Variants in SYNE2 observed in about 807,000 individuals in gnomAD.
SYNE2 encodes spectrin repeat containing nuclear envelope protein 2, also known as nesprin-2.
In SYNE2, 431 loss-of-function variants were observed where a neutral mutation model predicts 856.3. The ratio of observed to expected loss-of-function variants is 0.50; its 90% CI spans 0.47 to 0.55. The LOEUF (loss-of-function observed/expected upper bound fraction) is 0.55. Ranked by LOEUF, SYNE2 falls within the 20% of genes least tolerant of loss-of-function variation. The pLI, the probability that SYNE2 is intolerant of heterozygous loss-of-function variation, is 0.00. For missense variants in SYNE2, 8,129 were observed against 8,023.2 expected (o/e 1.01, Z -0.50); for synonymous variants, 2,923 against 2,872.3 (o/e 1.02, Z -0.56).
chr14:63,937,817 G>T (rs1231562693), intron 2 of SYNE2, among the ~76,000 whole-genome samples: 1 of 152,180 alleles, frequency 6.6e-6, no homozygotes, highest in Non-Finnish European at 1.5e-5. Context: ...TAGGTGAAAT[G>T]CAAGGAGTGT....
rs1272574904 is a variant in SYNE2 at position 64,191,131 on chromosome 14, TTTATC to T, written c.18038+899_18038+903del. The T allele has an allele frequency of 7.2e-5, 33 of 458,654 alleles. No individual in the cohort carries two copies. In the East Asian group the frequency reaches 8.9e-4, roughly 12 times the overall value. The allele number at this position is 458,654 out of a possible 1,614,324, so 28.4% of individuals were successfully genotyped here. On this transcript the variant is annotated intron_variant, in intron 99 of 115. Coordinates refer to ENST00000555002, the MANE Select transcript of SYNE2 (RefSeq NM_182914.3). Reference sequence around the variant, plus strand: ...TGGGAGGTGATAAAAGTAAGATACTTTTATCTTATTATTTAAATTTATTATTTAAA... The same window carrying T: ...TGGGAGGTGATAAAAGTAAGATACTTTTATTATTTAAATTTATTATTTAAA...
At chr14:64,121,523 CCAAAAA>C (rs1397944095) in intron 68 of SYNE2, among the ~76,000 whole-genome samples, 2 of 152,050 alleles carry the variant, frequency 1.3e-5, no homozygotes, top group Non-Finnish European at 2.9e-5. Flanking sequence ...GACCATGTCT[CCAAAAA>C]CAAAAACAAA....
rs1040667730 is a variant in SYNE2, at chr14:64,165,545, C to T, written c.16605+135C>T. ...TTTTTTTTTTTGAGACGGACTCTCG[C>T]TCTGTCACCCAGGCTGGAGTGCAGT... On this transcript the variant is annotated intron_variant, in intron 90 of 115. Transcript: ENST00000555002. 4.2e-6 allele frequency: 4 copies of T among 950,498 alleles called. No individual in the cohort carries two copies. The East Asian group carries it at 1.1e-4, about 25-fold the overall frequency. 58.9% of individuals were successfully genotyped at this position (950,498 alleles called of 1,614,324 possible).
Position 64,070,925 on chromosome 14 carries a change from A to G in SYNE2, c.10697+15A>G. 3 of 1,614,052 alleles carry G rather than the reference A, an allele frequency of 1.9e-6. No individual in the cohort carries two copies. Among genetic ancestry groups the G allele is most frequent in the Non-Finnish European group, 2.5e-6 (3 of 1,179,914 alleles). ...CGATGCAACAAGTAAGATTTATGAAAAACTATTAAGGACGTGTGCTTGACA... is the reference window on the plus strand; with the variant it reads ...CGATGCAACAAGTAAGATTTATGAAGAACTATTAAGGACGTGTGCTTGACA... On this transcript the variant is annotated intron_variant, in intron 52 of 115. Coordinates refer to ENST00000555002, the MANE Select transcript of SYNE2 (RefSeq NM_182914.3).
intron 1 of SYNE2, among the ~76,000 whole-genome samples, chr14:63,844,167 G>C (rs530831712): frequency 1.3e-5 from 2 of 152,236 alleles, no homozygotes; most frequent in Non-Finnish European, 1.5e-5. Context: ...AAAATCCTCT[G>C]TGCTCCATCT....
chr14:64,146,320 C>G (rs2153697403), intron 84 of SYNE2, 97 bp downstream of exon 84: 7 of 1,094,182 alleles, frequency 6.4e-6, no homozygotes, highest in Non-Finnish European at 8.9e-6. Context: ...TGTGGAAACT[C>G]TCTTCCAGCT....
At chr14:64,172,578 C>G (rs28445377) in intron 94 of SYNE2, among the ~76,000 whole-genome samples, 1 of 152,052 alleles carries the variant, frequency 6.6e-6, no homozygotes, top group African/African-American at 2.4e-5. Context: ...TCACATATAT[C>G]GCTTCTGCCA....
chr14:64,210,187 A>G (rs2098632907), intron 103 of SYNE2, 63 bp downstream of exon 103: 6 of 1,567,090 alleles, frequency 3.8e-6, no homozygotes, highest in Non-Finnish European at 5.2e-6. Flanking sequence ...ACGATACGCA[A>G]TGGCAGGCTT....
Position 64,162,637 on chromosome 14 carries a change from G to A in SYNE2, c.16299+361G>A, listed in dbSNP as rs971308684. On this transcript the variant is annotated intron_variant, in intron 88 of 115. Transcript: ENST00000555002. ...ACATGTTGTATCTCTTGTTTTAGCA[G>A]TAATCATGGACTTGGTGCCATGTTG... is the stretch of plus-strand genomic sequence containing the variant. 5 of 338,328 alleles carry A rather than the reference G, an allele frequency of 1.5e-5. No individual in the cohort carries two copies. In the Admixed American group the frequency reaches 1.6e-4, roughly 11 times the overall value. The allele number at this position is 338,328 out of a possible 1,614,324, so 21.0% of individuals were successfully genotyped here.
chr14:63,965,283 A>G (rs2096375642), intron 10 of SYNE2, among the ~76,000 whole-genome samples: 1 of 152,152 alleles, frequency 6.6e-6, no homozygotes, highest in Non-Finnish European at 1.5e-5. Context: ...TTTTCTATGT[A>G]GCAGATACCT....
At chr14:64,152,510 A>G in intron 84 of SYNE2, 54 bp from the exon 85 acceptor site, 6 of 1,586,294 alleles carry the variant, frequency 3.8e-6, no homozygotes, top group Non-Finnish European at 4.3e-6. Context: ...CTGACACCTT[A>G]TTAATTGTTT....
At chr14:63,977,235 CAG>C (rs1389633786) in intron 12 of SYNE2, among the ~76,000 whole-genome samples, 1 of 151,724 alleles carries the variant, frequency 6.6e-6, no homozygotes, top group Non-Finnish European at 1.5e-5. Flanking sequence ...TTTTTTGAGA[CAG>C]AGTCTTGCTC....
At chr14:63,973,486 G>A (rs935094109) in intron 11 of SYNE2, among the ~76,000 whole-genome samples, 1 of 151,668 alleles carries the variant, frequency 6.6e-6, no homozygotes, top group African/African-American at 2.4e-5. Context: ...ACAAAAATTA[G>A]CCAGGTGTGG....
intron 1 of SYNE2, among the ~76,000 whole-genome samples, chr14:63,859,979 C>CCCTTCCTTCCTTCCTT (rs757994649): frequency 4.5e-4 from 59 of 130,206 alleles, no homozygotes; most frequent in Non-Finnish European, 8.8e-4. Context: ...CTCCCTTCCT[C>CCCTTCCTTCCTTCCTT]CCTTCCTTCC....
chr14:63,967,665 G>A, intron 10 of SYNE2, 44 bp from the exon 11 acceptor site: 2 of 1,588,586 alleles, frequency 1.3e-6, no homozygotes, highest in Non-Finnish European at 1.7e-6. Context: ...TGATATAAAT[G>A]GAATTAAACA....
At chr14:64,113,267 G>T (rs2097826714) in intron 65 of SYNE2, 74 bp from the exon 66 acceptor site, 7 of 1,608,950 alleles carry the variant, frequency 4.4e-6, no homozygotes, top group Admixed American at 1.7e-5. Context: ...GGGAAATGTT[G>T]CAGGTTCCCA....
chr14:63,964,413 C>T (rs2096363107), intron 10 of SYNE2, among the ~76,000 whole-genome samples: 1 of 152,198 alleles, frequency 6.6e-6, no homozygotes, highest in Non-Finnish European at 1.5e-5. Flanking sequence ...GTTGAGTAGT[C>T]GTGATAGAGA....
intron 1 of SYNE2, among the ~76,000 whole-genome samples, chr14:63,791,427 C>T (rs1887727157): frequency 6.6e-6 from 1 of 152,128 alleles, no homozygotes; most frequent in South Asian, 2.1e-4. Context: ...ATATAAAGTC[C>T]TTTATGATCT....
intron 99 of SYNE2, among the ~76,000 whole-genome samples, chr14:64,197,875 C>T (rs532036225): frequency 6.6e-6 from 1 of 152,186 alleles, no homozygotes; most frequent in Non-Finnish European, 1.5e-5. Flanking sequence ...AAAAGAAAAA[C>T]TTTATTTGCC....
Sources: gnomAD v4.1 joint callset for allele counts (sites outside exome capture counted in the v4.1 genomes callset) on GRCh38, gnomAD v4.1.1 for gene constraint, MANE v1.5 for transcripts, NCBI Gene and HGNC (gene_info 2026-07-23, HGNC 2026-07-21) for gene names.